The following SHROOM4 variants were observed in gnomAD, a reference collection of about 807,000 sequenced individuals.
The protein encoded by SHROOM4 is protein Shroom4.
A neutral mutation model predicts 80.3 loss-of-function variants in SHROOM4; 17 were observed. The ratio of observed to expected loss-of-function variants is 0.21; its 90% CI spans 0.14 to 0.32. The LOEUF is 0.32. Among genes scored for constraint, SHROOM4 ranks in the 10% least tolerant of loss-of-function variants. The pLI, the probability that SHROOM4 is intolerant of heterozygous loss-of-function variation, is 1.00. For synonymous variants in SHROOM4, 400 were observed against 437.5 expected (o/e 0.91, Z 1.07); for missense variants, 993 against 1,140.3 (o/e 0.87, Z 1.86).
the SHROOM4 span, among the ~76,000 whole-genome samples, chrX:50,575,960 A>G: frequency 1.8e-5 from 2 of 111,746 alleles, no homozygotes; most frequent in East Asian, 2.8e-4. Flanking sequence ...GTATTCCTGT[A>G]TTTGGTCACT....
intron 2 of SHROOM4, among the ~76,000 whole-genome samples, chrX:50,656,952 T>C (rs997974504): frequency 7.2e-5 from 8 of 111,465 alleles, no homozygotes; most frequent in South Asian, 3.7e-4. Context: ...CAATATTTTA[T>C]AGTTTTTAGT....
At chrX:50,810,144 T>C (rs1212220854) in intron 1 of SHROOM4, among the ~76,000 whole-genome samples, 4 of 110,607 alleles carry the variant, frequency 3.6e-5, no homozygotes, top group African/African-American at 9.9e-5. Flanking sequence ...CATCCAGCAA[T>C]AGTATTAAAA....
the SHROOM4 span, among the ~76,000 whole-genome samples, chrX:50,578,933 TG>T: frequency 3.2e-4 from 36 of 111,605 alleles, no homozygotes; most frequent in Middle Eastern, 4.6e-3. Flanking sequence ...TATAGTTTAT[TG>T]CTGACTTGAT....
At chrX:50,700,540 A>G (rs1433332272) in intron 1 of SHROOM4, among the ~76,000 whole-genome samples, 2 of 111,536 alleles carry the variant, frequency 1.8e-5, no homozygotes, top group Non-Finnish European at 3.8e-5. Flanking sequence ...TTTCTAATCT[A>G]CCCTCTTTTT....
chrX:50,718,129 G>C (rs1411050756), intron 1 of SHROOM4, among the ~76,000 whole-genome samples: 1 of 111,510 alleles, frequency 9.0e-6, no homozygotes, highest in African/African-American at 3.3e-5. Context: ...CTTGGCTTTG[G>C]GGCTACATTG....
Position 50,595,957 on chromosome X carries a change from G to A in SHROOM4, c.*738C>T, listed in dbSNP as rs1557246455. On this transcript the variant is annotated 3_prime_UTR_variant, in exon 9 of 9. Transcript: ENST00000376020. ...GTGAAGCCCTGGGGTAGGCACCTGC[G>A]GTAACCCCCAGCAATGTAAAGGAAA... The A allele has an allele frequency of 3.0e-6, 1 of 328,442 alleles. No individual in the cohort carries two copies. The allele number at this position is 328,442 out of a possible 1,213,427, so 27.1% of individuals were successfully genotyped here. A position where few individuals can be genotyped will look rare whatever the true frequency, so the allele number is the denominator to read the frequency against.
intron 5 of SHROOM4, among the ~76,000 whole-genome samples, chrX:50,623,853 C>T (rs190237687): frequency 2.3e-4 from 26 of 111,975 alleles, no homozygotes; most frequent in Non-Finnish European, 4.1e-4. Context: ...TAAAAAGGAA[C>T]GAAGTACTGA....
chrX:50,802,671 C>A (rs1338258585), intron 1 of SHROOM4, among the ~76,000 whole-genome samples: 1 of 111,957 alleles, frequency 8.9e-6, no homozygotes, highest in Non-Finnish European at 1.9e-5. Context: ...TGGTACTGTG[C>A]TAGGTGCTTT....
rs782747616 is a variant in SHROOM4, at chrX:50,622,717, ACT to A, written c.2957+4895_2957+4896del. ...GTGGTGGGGGAAGGTGTGAAGGGAAACTCTATCAGGATTTCTCCTCACAGATG... is the reference window on the plus strand; with the variant it reads ...GTGGTGGGGGAAGGTGTGAAGGGAAACTATCAGGATTTCTCCTCACAGATG... On this transcript the variant is annotated intron_variant, in intron 5 of 8. Transcript: ENST00000376020. 3.0e-3 allele frequency among the ~76,000 whole-genome samples: 331 copies of A among 111,352 alleles called. 3 individuals are homozygous for A. The highest frequency in any genetic ancestry group is 1.0e-2 in the African/African-American group (305 of 30,619).
chrX:50,658,416 G>A (rs1163460747), intron 2 of SHROOM4, among the ~76,000 whole-genome samples: 3 of 110,748 alleles, frequency 2.7e-5, no homozygotes, highest in African/African-American at 9.9e-5. Flanking sequence ...TCTCAAATCT[G>A]CCCCTCCACT....
In SHROOM4 at chrX:50,588,810, A is replaced by C. The variant is rs1557245121; in HGVS notation, c.*7885T>G. 8.9e-6 allele frequency among the ~76,000 whole-genome samples: 1 copy of C among 112,421 alleles called. No individual in the cohort carries two copies. Among genetic ancestry groups the C allele is most frequent in the Non-Finnish European group, 1.9e-5 (1 of 53,291 alleles). ...GACATTATTTTAAGTGCTTCATGTG[A>C]ATTATCTCATTTAATCAACATAGTA... On this transcript the variant is annotated 3_prime_UTR_variant, in exon 9 of 9. Transcript: ENST00000376020.
the SHROOM4 span, among the ~76,000 whole-genome samples, chrX:50,575,810 T>C: frequency 0.011 from 1,233 of 112,256 alleles, 10 homozygotes; most frequent in Middle Eastern, 0.032. Context: ...TAATTTCTAG[T>C]AAATGTATAG....
chrX:50,624,692 C>T (rs1046240098), intron 5 of SHROOM4, among the ~76,000 whole-genome samples: 5 of 106,664 alleles, frequency 4.7e-5, no homozygotes, highest in Admixed American at 1.0e-4. Flanking sequence ...AGCTCACTGC[C>T]GCCTCGAACA....
chrX:50,686,021 GT>G (rs1180590946), intron 2 of SHROOM4, among the ~76,000 whole-genome samples: 2 of 110,796 alleles, frequency 1.8e-5, no homozygotes, highest in Middle Eastern at 4.7e-3. Flanking sequence ...GTGTAATGAA[GT>G]TTTTTTGTTT....
chrX:50,674,644 T>C (rs1000519984), intron 2 of SHROOM4, among the ~76,000 whole-genome samples: 3 of 110,980 alleles, frequency 2.7e-5, no homozygotes, highest in Non-Finnish European at 3.8e-5. Flanking sequence ...TAGAAAAAAA[T>C]AGGAGAAAAA....
At chrX:50,738,816 T>G (rs1486043312) in intron 1 of SHROOM4, among the ~76,000 whole-genome samples, 2 of 111,460 alleles carry the variant, frequency 1.8e-5, no homozygotes, top group African/African-American at 6.5e-5. Flanking sequence ...TTTCACAGAA[T>G]TGGAAAAAAA....
chrX:50,711,871 C>T (rs1933827032), intron 1 of SHROOM4, among the ~76,000 whole-genome samples: 1 of 112,180 alleles, frequency 8.9e-6, no homozygotes, highest in South Asian at 3.7e-4. Flanking sequence ...GTATGCATTC[C>T]AATATGCATG....
intron 7 of SHROOM4, 101 bp from the exon 8 acceptor site, chrX:50,598,636 T>C: frequency 1.0e-6 from 1 of 1,002,701 alleles, no homozygotes. Context: ...GAACAGATGG[T>C]GGGCTCTATC....
At chrX:50,771,365 A>T (rs1019143664) in intron 1 of SHROOM4, among the ~76,000 whole-genome samples, 2 of 112,385 alleles carry the variant, frequency 1.8e-5, no homozygotes, top group Non-Finnish European at 1.9e-5. Context: ...GGCTGGAAGC[A>T]GCCATGTTTA....
Sources: allele counts gnomAD v4.1 joint callset (sites outside exome capture counted in the v4.1 genomes callset), GRCh38; gene constraint gnomAD v4.1.1; transcripts MANE v1.5; gene names NCBI Gene and HGNC (gene_info 2026-07-23, HGNC 2026-07-21).